SLC8A1: variants seen among roughly 807,000 people sequenced by gnomAD.
The protein encoded by SLC8A1 is solute carrier family 8 member A1.
A neutral mutation model predicts 68.3 loss-of-function variants in SLC8A1; 18 were observed. That is an observed-to-expected ratio of 0.26 (90% CI 0.18 to 0.39). The LOEUF is 0.39. Ranked by LOEUF, SLC8A1 falls within the 10% of genes least tolerant of loss-of-function variation. SLC8A1 has a pLI of 1.00. For synonymous variants in SLC8A1, 475 were observed against 415.5 expected (o/e 1.14, Z -1.74); for missense variants, 985 against 1,156.7 (o/e 0.85, Z 2.15).
At chr2:40,330,978 T>C (rs763188067) in intron 2 of SLC8A1, among the ~76,000 whole-genome samples, 3 of 152,112 alleles carry the variant, frequency 2.0e-5, no homozygotes, top group African/African-American at 4.8e-5. Context: ...CAAAAGACAA[T>C]AAATACTTTC....
At chr2:40,214,209 A>G (rs1187145636) in intron 2 of SLC8A1, among the ~76,000 whole-genome samples, 2 of 152,180 alleles carry the variant, frequency 1.3e-5, no homozygotes, top group Non-Finnish European at 2.9e-5. Context: ...CTGGATATTA[A>G]CAAAAGGAAT....
chr2:40,305,617 C>G (rs945254971), intron 2 of SLC8A1, among the ~76,000 whole-genome samples: 21 of 152,302 alleles, frequency 1.4e-4, no homozygotes, highest in Non-Finnish European at 1.0e-4. Context: ...GTTAGATACA[C>G]AAATGCACTG....
At chr2:40,118,617 T>G (rs1296884160) in intron 7 of SLC8A1, 1 of 143,544 alleles carries the variant, frequency 7.0e-6, no homozygotes. Flanking sequence ...GTTTTTTTTT[T>G]TTTTTTTTTT....
chr2:40,184,084 G>A (rs2050163478), intron 2 of SLC8A1, among the ~76,000 whole-genome samples: 1 of 152,140 alleles, frequency 6.6e-6, no homozygotes, highest in African/African-American at 2.4e-5. Flanking sequence ...GCTGAGGTGG[G>A]AGGATGGCTT....
At chr2:40,342,915 G>C (rs1316700350) in intron 2 of SLC8A1, among the ~76,000 whole-genome samples, 2 of 151,946 alleles carry the variant, frequency 1.3e-5, no homozygotes, top group Non-Finnish European at 2.9e-5. Flanking sequence ...TTTATAACTG[G>C]GTAAAATGTG....
intron 2 of SLC8A1, among the ~76,000 whole-genome samples, chr2:40,349,340 C>A (rs1207592214): frequency 2.0e-5 from 3 of 151,872 alleles, no homozygotes; most frequent in East Asian, 1.9e-4. Context: ...ACAGAGTGGG[C>A]AGGAAGAGAA....
At chr2:40,113,401 T>C (rs568947450) in exon 8 of SLC8A1, 1 of 152,924 alleles carries the variant, frequency 6.5e-6, no homozygotes, top group South Asian at 2.1e-4. Context: ...GTTGGGTTTA[T>C]CCATGTTCTT....
At chr2:40,332,107 GC>G (rs1343874028) in intron 2 of SLC8A1, among the ~76,000 whole-genome samples, 1 of 152,068 alleles carries the variant, frequency 6.6e-6, no homozygotes, top group Non-Finnish European at 1.5e-5. Context: ...CAGCCATAGT[GC>G]CTGGCAGTGA....
chr2:40,147,077 A>G (rs1160752948), intron 6 of SLC8A1, among the ~76,000 whole-genome samples: 1 of 152,216 alleles, frequency 6.6e-6, no homozygotes, highest in African/African-American at 2.4e-5. Flanking sequence ...AGCACAAGAA[A>G]TATTTAACGT....
intron 2 of SLC8A1, among the ~76,000 whole-genome samples, chr2:40,218,359 A>C (rs1204537396): frequency 6.6e-6 from 1 of 152,248 alleles, no homozygotes; most frequent in Non-Finnish European, 1.5e-5. Flanking sequence ...GAATTTTTGA[A>C]TAAAACTAGG....
chr2:40,282,790 T>A (rs2067713520), intron 2 of SLC8A1, among the ~76,000 whole-genome samples: 1 of 152,132 alleles, frequency 6.6e-6, no homozygotes, highest in Non-Finnish European at 1.5e-5. Flanking sequence ...AGTATCCAAA[T>A]GCTGGCTGCA....
chr2:40,419,857 T>C (rs543874043), intron 2 of SLC8A1, among the ~76,000 whole-genome samples: 1 of 152,300 alleles, frequency 6.6e-6, no homozygotes, highest in African/African-American at 2.4e-5. Flanking sequence ...TGCAGGCTTC[T>C]TTTAAAGGTT....
intron 2 of SLC8A1, among the ~76,000 whole-genome samples, chr2:40,263,642 G>A (rs1433057104): frequency 6.6e-6 from 1 of 152,084 alleles, no homozygotes; most frequent in Admixed American, 6.5e-5. Context: ...GCCATTTATG[G>A]AAAACTGGCT....
chr2:40,420,421 A>G (rs1425619392), intron 2 of SLC8A1, among the ~76,000 whole-genome samples: 2 of 152,108 alleles, frequency 1.3e-5, no homozygotes, highest in Non-Finnish European at 2.9e-5. Flanking sequence ...TGCATTCATT[A>G]TTCAGCCATA....
intron 2 of SLC8A1, among the ~76,000 whole-genome samples, chr2:40,219,736 A>C (rs904633504): frequency 6.6e-6 from 1 of 152,200 alleles, no homozygotes; most frequent in Non-Finnish European, 1.5e-5. Context: ...AATGATTTTT[A>C]AGTTTGAGAA....
At chr2:40,151,183 A>T (rs1299046044) in intron 6 of SLC8A1, among the ~76,000 whole-genome samples, 1 of 152,202 alleles carries the variant, frequency 6.6e-6, no homozygotes, top group Non-Finnish European at 1.5e-5. Context: ...GTGAAAGTTC[A>T]CATCTCCATG....
intron 6 of SLC8A1, among the ~76,000 whole-genome samples, chr2:40,156,438 G>A (rs1013652403): frequency 2.0e-5 from 3 of 149,924 alleles, no homozygotes; most frequent in African/African-American, 7.4e-5. Flanking sequence ...ATATGCAAAT[G>A]GATATGTCAA....
intron 2 of SLC8A1, among the ~76,000 whole-genome samples, chr2:40,401,982 T>C (rs1482421251): frequency 6.6e-6 from 1 of 152,160 alleles, no homozygotes; most frequent in Non-Finnish European, 1.5e-5. Flanking sequence ...TCAGAGGCAT[T>C]TGAAGCAGAG....
At chr2:40,180,998 T>C (rs2049426667) in intron 2 of SLC8A1, among the ~76,000 whole-genome samples, 1 of 152,152 alleles carries the variant, frequency 6.6e-6, no homozygotes, top group Non-Finnish European at 1.5e-5. Context: ...TCACTCTTAT[T>C]GCCCAGGCTG....
Sources: allele counts gnomAD v4.1 joint callset (sites outside exome capture counted in the v4.1 genomes callset), GRCh38; gene constraint gnomAD v4.1.1; transcripts MANE v1.5; gene names NCBI Gene and HGNC (gene_info 2026-07-23, HGNC 2026-07-21).